The following KCNIP3 variants were observed in gnomAD, a reference collection of about 807,000 sequenced individuals.
KCNIP3 encodes the protein potassium voltage-gated channel interacting protein 3, also known as calsenilin.
KCNIP3 carries 28 observed loss-of-function variants against 35.0 expected under a neutral mutation model. The observed-to-expected ratio is 0.80, with a 90% confidence interval of 0.59 to 1.10. KCNIP3 has a LOEUF of 1.10. Among genes scored for constraint, KCNIP3 ranks in the 50% least tolerant of loss-of-function variants. The probability of loss-of-function intolerance (pLI) is 0.00; values close to 1 mark genes in which losing one functional copy is unlikely to be tolerated. For synonymous variants in KCNIP3, 134 were observed against 133.8 expected (o/e 1.00, Z -0.01); for missense variants, 295 against 338.4 (o/e 0.87, Z 1.01).
At chr2:95,300,631 C>T (rs1181694525) in intron 1 of KCNIP3, among the ~76,000 whole-genome samples, 3 of 152,220 alleles carry the variant, frequency 2.0e-5, no homozygotes, top group African/African-American at 4.8e-5. Context: ...CCAGGGCTCC[C>T]GGCCTCAGCT....
intron 2 of KCNIP3, among the ~76,000 whole-genome samples, chr2:95,316,037 G>A (rs1387777979): frequency 2.6e-5 from 4 of 152,194 alleles, no homozygotes; most frequent in Non-Finnish European, 4.4e-5. Flanking sequence ...ACCATCAGGC[G>A]CTCCACCCCC....
chr2:95,373,415 T>TG (rs1680086392), intron 2 of KCNIP3, among the ~76,000 whole-genome samples: 3 of 3,282 alleles, frequency 9.1e-4, no homozygotes, highest in Admixed American at 0.013. Flanking sequence ...AAGTTTGTGG[T>TG]TTTTTTTTTT....
chr2:95,310,548 G>A, intron 2 of KCNIP3, 28 bp downstream of exon 2: 1 of 1,597,862 alleles, frequency 6.3e-7, no homozygotes, highest in East Asian at 2.2e-5. Context: ...CTGTGGTCAA[G>A]GGTGGGGGTG....
intron 2 of KCNIP3, among the ~76,000 whole-genome samples, chr2:95,319,375 C>CA (rs1678534522): frequency 6.6e-6 from 1 of 152,184 alleles, no homozygotes; most frequent in Non-Finnish European, 1.5e-5. Flanking sequence ...TGTCCCTTAG[C>CA]GGTGCCTTAG....
At chr2:95,365,845 T>G (rs1679904225) in intron 2 of KCNIP3, among the ~76,000 whole-genome samples, 1 of 152,202 alleles carries the variant, frequency 6.6e-6, no homozygotes, top group South Asian at 2.1e-4. Flanking sequence ...TATTCTCATT[T>G]TTTCTAATTT....
chr2:95,380,374 C>T (rs946887781), intron 5 of KCNIP3, among the ~76,000 whole-genome samples: 1 of 152,200 alleles, frequency 6.6e-6, no homozygotes, highest in African/African-American at 2.4e-5. Context: ...ATGGTACAGA[C>T]TTCTTCCAGT....
intron 1 of KCNIP3, among the ~76,000 whole-genome samples, chr2:95,305,877 G>A (rs189748149): frequency 6.6e-6 from 1 of 152,344 alleles, no homozygotes; most frequent in African/African-American, 2.4e-5. Context: ...ACTGGAGTTT[G>A]TTTAATCATT....
At chr2:95,343,835 C>T (rs1679276977) in intron 2 of KCNIP3, among the ~76,000 whole-genome samples, 1 of 152,170 alleles carries the variant, frequency 6.6e-6, no homozygotes, top group African/African-American at 2.4e-5. Flanking sequence ...TTCAATATTC[C>T]AGCCATGGTT....
intron 2 of KCNIP3, among the ~76,000 whole-genome samples, chr2:95,363,054 C>A (rs1222137249): frequency 6.6e-6 from 1 of 152,194 alleles, no homozygotes; most frequent in Non-Finnish European, 1.5e-5. Context: ...TTTGTGAACA[C>A]TCTACGCTAT....
At chr2:95,320,672 C>T (rs1678571874) in intron 2 of KCNIP3, among the ~76,000 whole-genome samples, 1 of 152,112 alleles carries the variant, frequency 6.6e-6, no homozygotes, top group South Asian at 2.1e-4. Context: ...GGCCACTGGC[C>T]AGTGTAGCCA....
At chr2:95,326,001 TCAGA>T (rs1181424325) in intron 2 of KCNIP3, among the ~76,000 whole-genome samples, 11 of 133,686 alleles carry the variant, frequency 8.2e-5, no homozygotes, top group South Asian at 2.4e-4. Flanking sequence ...TCACACACAC[TCAGA>T]CACACACATA....
intron 2 of KCNIP3, chr2:95,313,933 A>ACG (rs1491477465): frequency 3.3e-5 from 5 of 151,716 alleles, no homozygotes; most frequent in African/African-American, 1.2e-4. Context: ...ACACACACAC[A>ACG]TACACACACA....
At chr2:95,383,095 A>G in intron 7 of KCNIP3, 137 bp from the exon 8 acceptor site, 1 of 746,946 alleles carries the variant, frequency 1.3e-6, no homozygotes, top group Non-Finnish European at 2.3e-6. Flanking sequence ...ACAGGGGACA[A>G]GTTAGAGTGG....
Position 95,382,213 on chromosome 2 carries a change from G to A in KCNIP3, c.556-164G>A, listed in dbSNP as rs1233831534. Reference sequence around the variant, plus strand: ...GAGCTTCCCCTAGAGTCAGAAGCTCGCTCTGGGTGCCCTGGAAGCGGACAG... The same window carrying A: ...GAGCTTCCCCTAGAGTCAGAAGCTCACTCTGGGTGCCCTGGAAGCGGACAG... On this transcript the variant is annotated intron_variant, in intron 6 of 8. Coordinates refer to ENST00000295225, the MANE Select transcript of KCNIP3 (RefSeq NM_013434.5). This position sits in a 1 kb window ranked among gnomAD's most constrained non-coding sequence, Gnocchi z 4.5. Among the ~76,000 whole-genome samples, 1 of 152,172 alleles carries A rather than the reference G, an allele frequency of 6.6e-6. No homozygotes were observed. The highest frequency in any genetic ancestry group is 2.1e-4 in the South Asian group (1 of 4,824).
intron 2 of KCNIP3, among the ~76,000 whole-genome samples, chr2:95,316,468 G>C (rs1678464240): frequency 6.6e-6 from 1 of 152,208 alleles, no homozygotes; most frequent in Admixed American, 6.5e-5. Flanking sequence ...TGGGAAACAT[G>C]GGGTGAGGCG....
chr2:95,352,395 G>A (rs551832148), intron 2 of KCNIP3, among the ~76,000 whole-genome samples: 66 of 152,266 alleles, frequency 4.3e-4, no homozygotes, highest in African/African-American at 1.5e-3. Context: ...GGCCAGGGGA[G>A]GAAGGGTAGC....
In KCNIP3 at chr2:95,383,993, T is replaced by A; in HGVS notation, c.724-9T>A. On this transcript the variant is annotated splice_polypyrimidine_tract_variant and intron_variant, in intron 8 of 8. Transcript: ENST00000295225. ...GCACCTGAAGGCCTCCCTTCCTCTC[T>A]CCATGCAGGATGAGAACATCATGAG... is the stretch of plus-strand genomic sequence containing the variant. 10 of 1,613,610 alleles carry A rather than the reference T, an allele frequency of 6.2e-6. No individual in the cohort carries two copies. The highest frequency in any genetic ancestry group is 8.5e-6 in the Non-Finnish European group (10 of 1,179,754).
Position 95,310,519 on chromosome 2 carries a change from A to G in KCNIP3, c.180A>G (p.Ser60=), listed in dbSNP as rs201339473. ...WILSSTAPQG[S]DSSDSELELS... is the part of the protein sequence containing the mutation. The stretch of plus-strand genomic sequence containing the variant: ...TGTCCAGCACAGCCCCACAGGGCTC[A>G]GGTAGGGGCCAGGGTGGGCTGTGGT... The change falls in exon 2 of 9, where the codon TCA becomes TCG. Residue 60 remains serine (S), a splice_region_variant and synonymous_variant. Transcript: ENST00000295225. 1 of 1,098,874 alleles carries G rather than the reference A, an allele frequency of 9.1e-7. No individual in the cohort carries two copies. Among genetic ancestry groups the G allele is most frequent in the East Asian group, 3.9e-5 (1 of 25,790 alleles). 68.1% of individuals were successfully genotyped at this position (1,098,874 alleles called of 1,614,324 possible). A position where few individuals can be genotyped will look rare whatever the true frequency, so the allele number is the denominator to read the frequency against.
intron 3 of KCNIP3, among the ~76,000 whole-genome samples, 158 bp downstream of exon 3, chr2:95,374,578 G>C (rs553918263): frequency 6.6e-6 from 1 of 152,194 alleles, no homozygotes; most frequent in African/African-American, 2.4e-5. Context: ...AATGGGCATC[G>C]CTGAGGCCGC....
Sources: allele counts gnomAD v4.1 joint callset (sites outside exome capture counted in the v4.1 genomes callset), GRCh38; gene constraint gnomAD v4.1.1; non-coding constraint Gnocchi (gnomAD v3.1); transcripts MANE v1.5; gene names NCBI Gene and HGNC (gene_info 2026-07-23, HGNC 2026-07-21).